Variants in EIF4EBP2 observed in about 807,000 individuals in gnomAD.
EIF4EBP2 encodes the protein eukaryotic translation initiation factor 4E-binding protein 2.
A neutral mutation model predicts 10.3 loss-of-function variants in EIF4EBP2; 5 were observed. The observed-to-expected ratio is 0.48, with a 90% CI of 0.25 to 1.02. The LOEUF is 1.02. Among genes scored for constraint, EIF4EBP2 ranks in the 50% least tolerant of loss-of-function variants. The pLI, the probability that EIF4EBP2 is intolerant of heterozygous loss-of-function variation, is 0.15. For missense variants in EIF4EBP2, 188 were observed against 162.2 expected (o/e 1.16, Z -0.86); for synonymous variants, 67 against 61.1 (o/e 1.10, Z -0.45).
chr10:70,422,079 T>G lies in EIF4EBP2; in HGVS notation c.*332T>G, dbSNP rs991120196. ...TTTATTGAGAGCCACCCTCATACCC[T>G]GTAATTTTGTCCCAAATCAAATATC... is the stretch of plus-strand genomic sequence containing the variant. On this transcript the variant is annotated 3_prime_UTR_variant, in exon 3 of 3. Coordinates refer to ENST00000373218, the MANE Select transcript of EIF4EBP2 (RefSeq NM_004096.5). 1 of 281,212 alleles carries G rather than the reference T, an allele frequency of 3.6e-6. No homozygotes were observed. Among genetic ancestry groups the G allele is most frequent in the Non-Finnish European group, 6.7e-6 (1 of 148,500 alleles). The allele number at this position is 281,212 out of a possible 1,614,324, so 17.4% of individuals were successfully genotyped here.
At chr10:70,416,306 C>A (rs138534408) in intron 1 of EIF4EBP2, among the ~76,000 whole-genome samples, 1 of 152,136 alleles carries the variant, frequency 6.6e-6, no homozygotes, top group African/African-American at 2.4e-5. Context: ...TCTGGCCGGG[C>A]GCGGTGGCTC....
At chr10:70,421,250 C>T (rs1845154788) in intron 2 of EIF4EBP2, among the ~76,000 whole-genome samples, 1 of 152,214 alleles carries the variant, frequency 6.6e-6, no homozygotes, top group Middle Eastern at 3.4e-3. Context: ...CAGAATGGTG[C>T]GGTAGGAGTG....
chr10:70,418,377 CATA>C (rs1845119318), intron 1 of EIF4EBP2, among the ~76,000 whole-genome samples: 1 of 152,166 alleles, frequency 6.6e-6, no homozygotes, highest in South Asian at 2.1e-4. Flanking sequence ...CTGACTGAGT[CATA>C]GTAGTAGCCT....
chr10:70,412,960 A>G (rs1845060273), intron 1 of EIF4EBP2, among the ~76,000 whole-genome samples: 1 of 152,208 alleles, frequency 6.6e-6, no homozygotes, highest in Non-Finnish European at 1.5e-5. Context: ...AAAAGAGGGT[A>G]AAATGCCAGT....
rs972019496 is a variant in EIF4EBP2, at chr10:70,426,477, A to G, written c.*4730A>G. ...TTTTTAGTAGAGATGGGGTTTCATC[A>G]TGTTTGCCAGGCTGGTCTCGAACTC... On this transcript the variant is annotated 3_prime_UTR_variant, in exon 3 of 3. Coordinates refer to ENST00000373218, the MANE Select transcript of EIF4EBP2 (RefSeq NM_004096.5). 3 of 152,164 alleles carry G rather than the reference A, an allele frequency of 2.0e-5. No individual in the cohort carries two copies. Among genetic ancestry groups the G allele is most frequent in the Non-Finnish European group, 4.4e-5 (3 of 68,052 alleles). The allele number at this position is 152,164 out of a possible 1,614,324, so 9.4% of individuals were successfully genotyped here. A position where few individuals can be genotyped will look rare whatever the true frequency, so the allele number is the denominator to read the frequency against.
rs1050688175 is a variant in EIF4EBP2 at position 70,413,502 on chromosome 10, G to A, written c.146-6412G>A. Among the ~76,000 whole-genome samples, 3 of 151,232 alleles carry A rather than the reference G, an allele frequency of 2.0e-5. No individual in the cohort carries two copies. In the South Asian group the frequency reaches 6.3e-4, roughly 32 times the overall value. ...GTTGGACTGTAGTCCCAGCTACTTG[G>A]GAGGCTAAGGTGGGAGGATCACCTG... On this transcript the variant is annotated intron_variant, in intron 1 of 2. Transcript: ENST00000373218.
intron 1 of EIF4EBP2, among the ~76,000 whole-genome samples, chr10:70,410,252 T>G (rs1263603654): frequency 6.6e-6 from 1 of 152,166 alleles, no homozygotes; most frequent in Non-Finnish European, 1.5e-5. Context: ...GTATTTTTAG[T>G]AGAGATGGGG....
chr10:70,405,682 G>A (rs1844958302), intron 1 of EIF4EBP2, among the ~76,000 whole-genome samples: 1 of 152,190 alleles, frequency 6.6e-6, no homozygotes, highest in Non-Finnish European at 1.5e-5. Context: ...CCAATCCGAT[G>A]CAGTTAGGCC....
At chr10:70,420,161 C>A in intron 2 of EIF4EBP2, 62 bp downstream of exon 2, 1 of 1,469,516 alleles carries the variant, frequency 6.8e-7, no homozygotes, top group Non-Finnish European at 9.2e-7. Context: ...TGTCTGTTTG[C>A]TGTAGGTTGA....
intron 1 of EIF4EBP2, among the ~76,000 whole-genome samples, chr10:70,415,614 TAAAC>T (rs373134468): frequency 4.1e-4 from 63 of 152,238 alleles, no homozygotes; most frequent in African/African-American, 1.3e-3. Flanking sequence ...AGTCCAGAAA[TAAAC>T]CCAGCAATAA....
chr10:70,421,689 A>G, intron 2 of EIF4EBP2, 27 bp from the exon 3 acceptor site: 1 of 1,608,314 alleles, frequency 6.2e-7, no homozygotes. Flanking sequence ...TACGTGCTAA[A>G]CTCTTCATTT....
chr10:70,404,658 C>G, intron 1 of EIF4EBP2, 112 bp downstream of exon 1: 4 of 1,326,894 alleles, frequency 3.0e-6, no homozygotes, highest in South Asian at 1.7e-5. Flanking sequence ...ACCGAAGCCC[C>G]GGGGACGCTG....
At chr10:70,419,061 C>G (rs1845127939) in intron 1 of EIF4EBP2, among the ~76,000 whole-genome samples, 1 of 152,218 alleles carries the variant, frequency 6.6e-6, no homozygotes, top group Non-Finnish European at 1.5e-5. Context: ...AAGCAGTCCT[C>G]CTGCCTTGGA....
intron 1 of EIF4EBP2, among the ~76,000 whole-genome samples, chr10:70,407,738 C>CA (rs1554848004): frequency 1.4e-5 from 2 of 139,822 alleles, no homozygotes; most frequent in Non-Finnish European, 3.1e-5. Context: ...TGACCCCCCC[C>CA]CCACCTCCCT....
intron 1 of EIF4EBP2, among the ~76,000 whole-genome samples, chr10:70,418,138 A>G (rs1845116793): frequency 6.6e-6 from 1 of 152,186 alleles, no homozygotes; most frequent in African/African-American, 2.4e-5. Context: ...TGGGACCCTC[A>G]TGATGGGATT....
intron 1 of EIF4EBP2, among the ~76,000 whole-genome samples, chr10:70,409,049 T>A (rs1282496474): frequency 6.6e-6 from 1 of 152,196 alleles, no homozygotes; most frequent in Non-Finnish European, 1.5e-5. Context: ...GCAGGGACAT[T>A]CACAGCATAG....
At chr10:70,414,736 C>T (rs188127012) in intron 1 of EIF4EBP2, among the ~76,000 whole-genome samples, 17 of 151,446 alleles carry the variant, frequency 1.1e-4, no homozygotes, top group South Asian at 4.2e-4. Flanking sequence ...GGCATGGTAG[C>T]GCATACCTGT....
At position 70,404,310 on chromosome 10, in the gene EIF4EBP2, C is replaced by A; in HGVS notation, c.-92C>A. The A allele has an allele frequency of 2.8e-6, 4 of 1,414,252 alleles. No homozygotes were observed. The highest frequency in any genetic ancestry group is 3.7e-6 in the Non-Finnish European group (4 of 1,085,730). The allele number at this position is 1,414,252 out of a possible 1,614,324, so 87.6% of individuals were successfully genotyped here. On this transcript the variant is annotated 5_prime_UTR_variant, in exon 1 of 3. Transcript: ENST00000373218. ...AAGCGAGCGAGGAGCGCGCAGAGCG[C>A]GCTTTTCCGTCCGCCTGAGGAGCCG...
intron 1 of EIF4EBP2, among the ~76,000 whole-genome samples, chr10:70,404,866 C>T (rs182884886): frequency 6.6e-6 from 1 of 152,380 alleles, no homozygotes; most frequent in East Asian, 1.9e-4. Context: ...GGATTTGGCT[C>T]CACTTGGCCT....
Sources: gnomAD v4.1 joint callset for allele counts (sites outside exome capture counted in the v4.1 genomes callset) on GRCh38, gnomAD v4.1.1 for gene constraint, MANE v1.5 for transcripts, NCBI Gene and HGNC (gene_info 2026-07-23, HGNC 2026-07-21) for gene names.